The following DGKG variants were observed in gnomAD, a reference collection of about 807,000 sequenced individuals.
DGKG encodes DAG kinase gamma.
A neutral mutation model predicts 105.3 loss-of-function variants in DGKG; 78 were observed. That is an observed-to-expected ratio of 0.74 (90% CI 0.62 to 0.89). The LOEUF (loss-of-function observed/expected upper bound fraction) is 0.89, where lower values mean the gene tolerates loss of function less well. DGKG is among the 40% of genes least tolerant of loss of function. The pLI, the probability that DGKG is intolerant of heterozygous loss-of-function variation, is 0.00. For synonymous variants in DGKG, 346 were observed against 367.1 expected (o/e 0.94, Z 0.66); for missense variants, 958 against 1,020.1 (o/e 0.94, Z 0.83).
chr3:186,304,365 C>A (rs1476316169), intron 3 of DGKG, among the ~76,000 whole-genome samples: 5 of 152,354 alleles, frequency 3.3e-5, no homozygotes, highest in Admixed American at 2.0e-4. Context: ...GTTCTGGCAA[C>A]CTTCTTCCTG....
chr3:186,299,559 T>G (rs1033994277), intron 3 of DGKG, among the ~76,000 whole-genome samples: 1 of 152,186 alleles, frequency 6.6e-6, no homozygotes, highest in Non-Finnish European at 1.5e-5. Flanking sequence ...AATGGTGGAC[T>G]CACATTTCTT....
chr3:186,325,746 A>G (rs548778470), intron 1 of DGKG, among the ~76,000 whole-genome samples: 16 of 151,852 alleles, frequency 1.1e-4, no homozygotes, highest in African/African-American at 3.9e-4. Flanking sequence ...CTGCATTTAT[A>G]TATAATATAT....
At chr3:186,162,362 A>T (rs1048869318) in intron 23 of DGKG, among the ~76,000 whole-genome samples, 10 of 152,370 alleles carry the variant, frequency 6.6e-5, no homozygotes, top group Admixed American at 3.3e-4. Context: ...TCAAACAGTC[A>T]GCTAGAAGGC....
chr3:186,347,470 A>G (rs1726401589), intron 1 of DGKG, among the ~76,000 whole-genome samples: 2 of 149,904 alleles, frequency 1.3e-5, no homozygotes, highest in East Asian at 1.9e-4. Context: ...AAAAAAAAAA[A>G]GGAAATGATT....
chr3:186,354,736 A>G (rs1354213417), intron 1 of DGKG, among the ~76,000 whole-genome samples: 1 of 152,230 alleles, frequency 6.6e-6, no homozygotes, highest in East Asian at 1.9e-4. Context: ...AAGAGGAGAA[A>G]TAGATATTTT....
At chr3:186,309,049 T>C (rs979211113) in intron 2 of DGKG, among the ~76,000 whole-genome samples, 1 of 152,336 alleles carries the variant, frequency 6.6e-6, no homozygotes, top group Non-Finnish European at 1.5e-5. Context: ...TTATTCACTA[T>C]AGCTTCCTAA....
chr3:186,238,201 T>C (rs1720506600), intron 20 of DGKG, among the ~76,000 whole-genome samples: 1 of 143,704 alleles, frequency 7.0e-6, no homozygotes, highest in South Asian at 2.1e-4. Flanking sequence ...GGAGGCTGTG[T>C]AGGAAAATCA....
At chr3:186,244,407 GT>G (rs10701431) in intron 19 of DGKG, among the ~76,000 whole-genome samples, 239 of 138,190 alleles carry the variant, frequency 1.7e-3, no homozygotes, top group South Asian at 0.013. Flanking sequence ...AGCTATTGAT[GT>G]TTTTTTTTTT....
chr3:186,216,293 C>T (rs1018301589), intron 20 of DGKG, among the ~76,000 whole-genome samples: 3 of 152,076 alleles, frequency 2.0e-5, no homozygotes, highest in East Asian at 1.9e-4. Flanking sequence ...CGCACCCGGC[C>T]GAGCTTATAC....
chr3:186,190,731 C>T (rs1200898799), intron 21 of DGKG, among the ~76,000 whole-genome samples: 3 of 152,184 alleles, frequency 2.0e-5, no homozygotes, highest in Non-Finnish European at 2.9e-5. Flanking sequence ...GGCTCTCAGC[C>T]CGTGTTTCCT....
chr3:186,242,581 G>C lies in DGKG; in HGVS notation c.1762-13C>G. ...CAATGGAAGCGTCCTGAAAGTGAAA[G>C]AGACAAAGCAGATCCTTGGTGAGTG... is the stretch of plus-strand genomic sequence containing the variant. On this transcript the variant is annotated splice_polypyrimidine_tract_variant and intron_variant, in intron 19 of 24. Coordinates refer to ENST00000265022, the MANE Select transcript of DGKG (RefSeq NM_001346.3). 6.2e-7 allele frequency: 1 copy of C among 1,612,410 alleles called. No individual in the cohort carries two copies. The highest frequency in any genetic ancestry group is 8.5e-7 in the Non-Finnish European group (1 of 1,178,792).
At chr3:186,317,977 A>G (rs568494519) in intron 2 of DGKG, among the ~76,000 whole-genome samples, 9 of 152,062 alleles carry the variant, frequency 5.9e-5, no homozygotes, top group South Asian at 2.1e-4. Context: ...TCTGCAAGGT[A>G]TCTTTGATGG....
At chr3:186,224,304 C>T (rs899068961) in intron 20 of DGKG, among the ~76,000 whole-genome samples, 5 of 152,076 alleles carry the variant, frequency 3.3e-5, no homozygotes, top group Admixed American at 3.3e-4. Context: ...TCTGTGTTCC[C>T]CATATGTGCC....
intron 6 of DGKG, among the ~76,000 whole-genome samples, chr3:186,285,946 T>C (rs1005558469): frequency 6.6e-6 from 1 of 152,230 alleles, no homozygotes; most frequent in Non-Finnish European, 1.5e-5. Context: ...GCCAAAGTGC[T>C]GGGATTACAG....
At chr3:186,267,643 A>T in intron 13 of DGKG, 42 bp downstream of exon 13, 1 of 1,519,418 alleles carries the variant, frequency 6.6e-7, no homozygotes, top group East Asian at 2.3e-5. Context: ...TGAAACCAGA[A>T]CCCGGAGAAG....
Position 186,284,688 on chromosome 3 carries a change from G to A in DGKG, c.566C>T (p.Ser189Leu). ...KLEFMFRLYD[S>L]DENGLLDQAE... ...TTGGTCCAGGAGACCGTTCTCATCTGAATCATAGAGGCGAAACATGACTGT... is the reference window on the plus strand; with the variant it reads ...TTGGTCCAGGAGACCGTTCTCATCTAAATCATAGAGGCGAAACATGACTGT... The change falls in exon 7 of 25, where the codon TCA becomes TTA. Residue 189 changes from serine to leucine, a missense_variant. By Grantham distance (145) the Ser-to-Leu change is moderately radical. Transcript: ENST00000265022. This position sits in a 1 kb window ranked among gnomAD's most constrained non-coding sequence, Gnocchi z 4.0. 1 of 1,613,924 alleles carries A rather than the reference G, an allele frequency of 6.2e-7. No homozygotes were observed. Among genetic ancestry groups the A allele is most frequent in the South Asian group, 1.1e-5 (1 of 91,066 alleles).
rs562924789 is a variant in DGKG at position 186,324,806 on chromosome 3, C to A, written c.-248-4099G>T. Among the ~76,000 whole-genome samples the A allele has an allele frequency of 1.2e-4, 18 of 152,326 alleles. No homozygotes were observed. In the East Asian group the frequency reaches 3.5e-3, roughly 29 times the overall value. On this transcript the variant is annotated intron_variant, in intron 1 of 24. Transcript: ENST00000265022. ...GATTTCTCGAAGAACTTAAAACAGA[C>A]CTCCCATGCAATGCAGCAATCCCAT...
rs544036100 is a variant in DGKG, at chr3:186,210,633, A to C, written c.1917+1162T>G. Reference sequence around the variant, plus strand: ...TGAAAACTCCCTGTGAGTGAGGAGCACAGGGGCCCTTCCGGCAGGGAGGGG... The same window carrying C: ...TGAAAACTCCCTGTGAGTGAGGAGCCCAGGGGCCCTTCCGGCAGGGAGGGG... On this transcript the variant is annotated intron_variant, in intron 21 of 24. Coordinates refer to ENST00000265022, the MANE Select transcript of DGKG (RefSeq NM_001346.3). This position sits in a 1 kb window ranked among gnomAD's most constrained non-coding sequence, Gnocchi z 5.2. The C allele has an allele frequency of 2.2e-6, 1 of 454,220 alleles. No homozygotes were observed. The highest frequency in any genetic ancestry group is 2.0e-5 in the African/African-American group (1 of 50,112). 28.1% of individuals were successfully genotyped at this position (454,220 alleles called of 1,614,324 possible).
At chr3:186,280,148 G>T (rs1406162462) in intron 8 of DGKG, among the ~76,000 whole-genome samples, 175 bp from the exon 9 acceptor site, 2 of 152,188 alleles carry the variant, frequency 1.3e-5, no homozygotes, top group Admixed American at 1.3e-4. Context: ...TCCAGGTCTG[G>T]CTCTGCCCTT....
Sources: allele counts gnomAD v4.1 joint callset (sites outside exome capture counted in the v4.1 genomes callset), GRCh38; gene constraint gnomAD v4.1.1; non-coding constraint Gnocchi (gnomAD v3.1); transcripts MANE v1.5; gene names NCBI Gene and HGNC (gene_info 2026-07-23, HGNC 2026-07-21).